The following FAAH2 variants were observed in gnomAD, a reference collection of about 807,000 sequenced individuals.
FAAH2 encodes fatty acid amide hydrolase 2.
Under a neutral mutation model 36.9 loss-of-function variants are expected in FAAH2, and 60 were observed. The observed-to-expected ratio is 1.63, with a 90% confidence interval of 1.32 to 2.02. The LOEUF (loss-of-function observed/expected upper bound fraction) is 2.02, where lower values mean the gene tolerates loss of function less well. Ranked by LOEUF, FAAH2 falls within the 30% of genes most tolerant of loss-of-function variation. The pLI is 0.00. For missense variants in FAAH2, 689 were observed against 397.5 expected, an observed-to-expected ratio of 1.73 and a Z score of -6.23; for synonymous variants, 214 against 143.8, an observed-to-expected ratio of 1.49 and a Z score of -3.49.
the FAAH2 span, among the ~76,000 whole-genome samples, chrX:57,124,819 G>C: frequency 8.9e-6 from 1 of 111,995 alleles, no homozygotes; most frequent in Non-Finnish European, 1.9e-5. Flanking sequence ...TGTTATTGAT[G>C]TATAAGAATG....
chrX:57,168,385 TACACAC>T, the FAAH2 span, among the ~76,000 whole-genome samples: 18 of 104,608 alleles, frequency 1.7e-4, no homozygotes, highest in South Asian at 2.5e-3. Context: ...ATATGTGTGT[TACACAC>T]ACACACACAC....
chrX:57,174,774 G>A, the FAAH2 span, among the ~76,000 whole-genome samples: 1 of 111,467 alleles, frequency 9.0e-6, no homozygotes, highest in African/African-American at 3.3e-5. Flanking sequence ...TTGATAACTT[G>A]TGTCACTGTT....
At chrX:57,354,868 A>T (rs1312086301) in intron 5 of FAAH2, among the ~76,000 whole-genome samples, 1 of 110,728 alleles carries the variant, frequency 9.0e-6, no homozygotes, top group East Asian at 2.8e-4. Context: ...GCTAATTTTT[A>T]AAATATTAAT....
chrX:57,388,173 A>T (rs1157053409), intron 7 of FAAH2, among the ~76,000 whole-genome samples: 1 of 111,640 alleles, frequency 9.0e-6, no homozygotes, highest in African/African-American at 3.2e-5. Flanking sequence ...GGCATAATAC[A>T]TTTAAATATT....
chrX:57,382,285 C>A (rs1326466588), intron 7 of FAAH2, among the ~76,000 whole-genome samples: 1 of 111,320 alleles, frequency 9.0e-6, no homozygotes, highest in Non-Finnish European at 1.9e-5. Context: ...CAAGAGCAAA[C>A]ACATTCAAAA....
chrX:57,191,916 T>A, the FAAH2 span, among the ~76,000 whole-genome samples: 1 of 111,873 alleles, frequency 8.9e-6, no homozygotes, highest in Admixed American at 9.5e-5. Context: ...GGTAATGTGA[T>A]TCCTCTAGTT....
chrX:57,386,913 G>C (rs2055038880), intron 7 of FAAH2, among the ~76,000 whole-genome samples: 1 of 111,903 alleles, frequency 8.9e-6, no homozygotes, highest in Admixed American at 9.5e-5. Flanking sequence ...GTTTAAAATA[G>C]TCACATGCTA....
intron 3 of FAAH2, among the ~76,000 whole-genome samples, chrX:57,321,826 T>A (rs770872395): frequency 9.0e-6 from 1 of 111,454 alleles, no homozygotes; most frequent in Non-Finnish European, 1.9e-5. Flanking sequence ...TTTGTTTGTG[T>A]TTTTGCTTTT....
intron 10 of FAAH2, among the ~76,000 whole-genome samples, chrX:57,460,265 C>A (rs1346702765): frequency 9.0e-6 from 1 of 111,527 alleles, no homozygotes; most frequent in Non-Finnish European, 1.9e-5. Context: ...CTTCCCCAAC[C>A]TAGCAAGACA....
intron 7 of FAAH2, among the ~76,000 whole-genome samples, chrX:57,389,967 A>G (rs2055125990): frequency 9.2e-6 from 1 of 108,746 alleles, no homozygotes; most frequent in Admixed American, 9.8e-5. Context: ...TTTTTCATAT[A>G]CCTAGGGGCC....
intron 3 of FAAH2, among the ~76,000 whole-genome samples, chrX:57,317,832 C>A: frequency 8.9e-6 from 1 of 111,944 alleles, no homozygotes; most frequent in Non-Finnish European, 1.9e-5. Flanking sequence ...GACCACAGTG[C>A]AATCAAATTA....
the FAAH2 span, among the ~76,000 whole-genome samples, chrX:57,201,340 C>T: frequency 2.2e-3 from 238 of 110,501 alleles, 1 homozygote; most frequent in African/African-American, 7.6e-3. Flanking sequence ...ATTGCTTGAA[C>T]CAGGGAGGTG....
At chrX:57,215,816 G>A in the FAAH2 span, among the ~76,000 whole-genome samples, 3 of 107,448 alleles carry the variant, frequency 2.8e-5, no homozygotes, top group South Asian at 4.4e-4. Flanking sequence ...AACCTGTCAG[G>A]TGGTGGGGGC....
chrX:57,381,601 G>A (rs976935842), intron 7 of FAAH2: 31 of 583,163 alleles, frequency 5.3e-5, no homozygotes, highest in Non-Finnish European at 6.4e-5. Context: ...TAATGGTAAA[G>A]GGATCAATTC....
At chrX:57,358,984 G>A (rs1439701258) in intron 5 of FAAH2, among the ~76,000 whole-genome samples, 3 of 110,538 alleles carry the variant, frequency 2.7e-5, no homozygotes, top group Non-Finnish European at 3.8e-5. Flanking sequence ...ATCATATCAG[G>A]GTGAATGGGA....
rs193122634 is a variant in FAAH2, at chrX:57,327,038, G to A, written c.413-4560G>A. Among the ~76,000 whole-genome samples the A allele has an allele frequency of 1.1e-3, 116 of 108,633 alleles. 2 individuals are homozygous for A. The highest frequency in any genetic ancestry group is 3.6e-3 in the Admixed American group (37 of 10,189). The allele number at this position is 108,633 out of a possible 115,157, so 94.3% of individuals were successfully genotyped here. On this transcript the variant is annotated intron_variant, in intron 3 of 10. Transcript: ENST00000374900. ...GAGCTCTTTCAGGGCATGCCTGGTG[G>A]TAACAAAATCTCTCAGCATTTGCTT...
chrX:57,207,345 CA>C, the FAAH2 span, among the ~76,000 whole-genome samples: 1 of 111,455 alleles, frequency 9.0e-6, no homozygotes, highest in South Asian at 3.8e-4. Context: ...GGGGCTTTAC[CA>C]ACTCCAACTA....
At chrX:57,442,051 A>T (rs1378717273) in intron 8 of FAAH2, among the ~76,000 whole-genome samples, 1 of 111,588 alleles carries the variant, frequency 9.0e-6, no homozygotes, top group Non-Finnish European at 1.9e-5. Context: ...TTTTGGAATA[A>T]GTGTGATGTG....
chrX:57,322,991 AC>A (rs1413876637), intron 3 of FAAH2, among the ~76,000 whole-genome samples: 1 of 107,305 alleles, frequency 9.3e-6, no homozygotes, highest in Non-Finnish European at 1.9e-5. Flanking sequence ...CACTTTCCCC[AC>A]CCCACAACAG....
Sources: gnomAD v4.1 joint callset for allele counts (sites outside exome capture counted in the v4.1 genomes callset) on GRCh38, gnomAD v4.1.1 for gene constraint, MANE v1.5 for transcripts, NCBI Gene and HGNC (gene_info 2026-07-23, HGNC 2026-07-21) for gene names.